Variants in PHKB observed in about 807,000 individuals in gnomAD.
PHKB encodes phosphorylase b kinase regulatory subunit beta.
PHKB carries 122 observed loss-of-function variants against 152.1 expected under a neutral mutation model. The ratio of observed to expected loss-of-function variants is 0.80; its 90% CI spans 0.69 to 0.93. The LOEUF (loss-of-function observed/expected upper bound fraction) is 0.93, where lower values mean the gene tolerates loss of function less well. Among genes scored for constraint, PHKB ranks in the 40% least tolerant of loss-of-function variants. The pLI, the probability that PHKB is intolerant of heterozygous loss-of-function variation, is 0.00. For synonymous variants in PHKB, 436 were observed against 464.9 expected (o/e 0.94, Z 0.80); for missense variants, 1,304 against 1,328.4 (o/e 0.98, Z 0.29).
chr16:47,629,410 A>G (rs1178465039), intron 14 of PHKB, among the ~76,000 whole-genome samples: 1 of 152,052 alleles, frequency 6.6e-6, no homozygotes, highest in Non-Finnish European at 1.5e-5. Context: ...GCAGCCAAAA[A>G]ACACATGAAA....
chr16:47,486,728 T>G (rs1023294196), intron 1 of PHKB, among the ~76,000 whole-genome samples: 1 of 152,198 alleles, frequency 6.6e-6, no homozygotes. Context: ...TTGACCTCTA[T>G]GATAAAAGAT....
rs116063590 is a variant in PHKB at position 47,539,379 on chromosome 16, C to G, written c.595-8054C>G. On this transcript the variant is annotated intron_variant, in intron 6 of 30. Transcript: ENST00000323584. ...CAGATAAGTACTTTTTTTTTAATAT[C>G]TAAAGTTTTAGACTTATTTAACATT... is the stretch of plus-strand genomic sequence containing the variant. Among the ~76,000 whole-genome samples, 1,044 of 151,160 alleles carry G rather than the reference C, an allele frequency of 6.9e-3. 13 individuals carry two copies. The highest frequency in any genetic ancestry group is 0.024 in the African/African-American group (976 of 41,166).
At chr16:47,599,193 A>G (rs1358740218) in intron 13 of PHKB, among the ~76,000 whole-genome samples, 1 of 152,244 alleles carries the variant, frequency 6.6e-6, no homozygotes, top group African/African-American at 2.4e-5. Flanking sequence ...AAGAATTTTA[A>G]CATTAGAATT....
At chr16:47,478,125 A>G (rs1437696936) in intron 1 of PHKB, among the ~76,000 whole-genome samples, 1 of 152,212 alleles carries the variant, frequency 6.6e-6, no homozygotes, top group Admixed American at 6.5e-5. Context: ...CTAGAGAAAA[A>G]AATCTATGTT....
chr16:47,475,468 A>G (rs908186538), intron 1 of PHKB, among the ~76,000 whole-genome samples: 1 of 152,154 alleles, frequency 6.6e-6, no homozygotes. Context: ...GGAACATTCT[A>G]TGGCTAAATG....
chr16:47,496,157 T>C (rs1448880773), intron 1 of PHKB, among the ~76,000 whole-genome samples: 1 of 151,760 alleles, frequency 6.6e-6, no homozygotes. Flanking sequence ...AAATTATAGG[T>C]TCATTTTTGT....
intron 27 of PHKB, among the ~76,000 whole-genome samples, chr16:47,689,450 C>A (rs1974022793): frequency 6.6e-6 from 1 of 152,150 alleles, no homozygotes; most frequent in African/African-American, 2.4e-5. Flanking sequence ...AAATGTAACA[C>A]CTCATACCAC....
intron 7 of PHKB, among the ~76,000 whole-genome samples, chr16:47,556,894 G>A (rs1971381152): frequency 6.6e-6 from 1 of 152,078 alleles, no homozygotes; most frequent in South Asian, 2.1e-4. Flanking sequence ...GAATCCATCT[G>A]GTCCTGGACT....
At position 47,693,510 on chromosome 16, in the gene PHKB, A is replaced by G; in HGVS notation, c.2895+3A>G. 1.2e-6 allele frequency: 2 copies of G among 1,614,000 alleles called. No homozygotes were observed. Among genetic ancestry groups the G allele is most frequent in the South Asian group, 1.1e-5 (1 of 91,078 alleles). On this transcript the variant is annotated splice_donor_region_variant and intron_variant, in intron 28 of 30. Coordinates refer to ENST00000323584, the MANE Select transcript of PHKB (RefSeq NM_000293.3). ...TTGCTGGGAAGCATTTGCCTCAGGT[A>G]AAGCCCCACCATGTTCACATAAAGA...
chr16:47,599,207 G>A (rs1245533796), intron 13 of PHKB, among the ~76,000 whole-genome samples: 1 of 152,158 alleles, frequency 6.6e-6, no homozygotes, highest in Non-Finnish European at 1.5e-5. Context: ...TAGAATTATA[G>A]GTTTTTATGT....
At chr16:47,619,374 A>G (rs1190896256) in intron 14 of PHKB, 1 of 152,184 alleles carries the variant, frequency 6.6e-6, no homozygotes, top group Non-Finnish European at 1.5e-5. Flanking sequence ...GGATGCTGAG[A>G]GTTCTGTGAA....
chr16:47,597,694 T>C (rs973778661), intron 13 of PHKB: 1 of 150,428 alleles, frequency 6.6e-6, no homozygotes, highest in African/African-American at 2.4e-5. Flanking sequence ...TTTTTTTTTT[T>C]TTTAGTGATT....
intron 7 of PHKB, among the ~76,000 whole-genome samples, chr16:47,579,799 T>G (rs1971811771): frequency 1.3e-5 from 2 of 152,132 alleles, no homozygotes; most frequent in Admixed American, 1.3e-4. Context: ...CATAAAATAA[T>G]GCCTATTTTT....
intron 6 of PHKB, among the ~76,000 whole-genome samples, chr16:47,543,885 AT>A (rs1971109102): frequency 6.6e-6 from 1 of 151,942 alleles, no homozygotes; most frequent in African/African-American, 2.4e-5. Flanking sequence ...TCTTACATCT[AT>A]TTTTTACATC....
intron 6 of PHKB, among the ~76,000 whole-genome samples, chr16:47,523,969 A>C (rs748408815): frequency 6.6e-6 from 1 of 151,952 alleles, no homozygotes; most frequent in Admixed American, 6.6e-5. Context: ...CATGTGTACT[A>C]TGATTTTGTG....
chr16:47,566,178 C>T, intron 7 of PHKB: 1 of 682,606 alleles, frequency 1.5e-6, no homozygotes. Flanking sequence ...CCTGCATGGG[C>T]CATCCCAATA....
At chr16:47,682,514 C>T (rs191461714) in intron 26 of PHKB, among the ~76,000 whole-genome samples, 83 of 152,274 alleles carry the variant, frequency 5.5e-4, no homozygotes, top group African/African-American at 1.6e-3. Context: ...TCATTCATTT[C>T]GTCTTCCATC....
chr16:47,669,391 C>T lies in PHKB; in HGVS notation c.2604C>T (p.Phe868=). The T allele has an allele frequency of 6.2e-7, 1 of 1,614,036 alleles. No individual in the cohort carries two copies. Among genetic ancestry groups the T allele is most frequent in the Non-Finnish European group, 8.5e-7 (1 of 1,179,892 alleles). ...GWIISNNPEL[F]SGMLKIRIGW... is the part of the protein sequence containing the mutation. ...TCATCTCCAATAACCCTGAGTTATTCAGTGGCATGCTGAAAATACGAATCG... is the reference window on the plus strand; with the variant it reads ...TCATCTCCAATAACCCTGAGTTATTTAGTGGCATGCTGAAAATACGAATCG... The change falls in exon 26 of 31, where the codon TTC becomes TTT. Residue 868 remains phenylalanine, a synonymous_variant. Coordinates refer to ENST00000323584, the MANE Select transcript of PHKB (RefSeq NM_000293.3).
intron 8 of PHKB, among the ~76,000 whole-genome samples, chr16:47,586,473 A>G (rs535621284): frequency 6.6e-6 from 1 of 152,350 alleles, no homozygotes; most frequent in South Asian, 2.1e-4. Context: ...AGATTTTAAA[A>G]TGATATTCTG....
Sources: allele counts gnomAD v4.1 joint callset (sites outside exome capture counted in the v4.1 genomes callset), GRCh38; gene constraint gnomAD v4.1.1; transcripts MANE v1.5; gene names NCBI Gene and HGNC (gene_info 2026-07-23, HGNC 2026-07-21).